GBP4: variants seen among roughly 807,000 people sequenced by gnomAD.
The protein encoded by GBP4 is guanylate binding protein 4.
A neutral mutation model predicts 62.2 loss-of-function variants in GBP4; 69 were observed. That is an observed-to-expected ratio of 1.11 (90% CI 0.91 to 1.36). The LOEUF is 1.36. Among genes scored for constraint, GBP4 ranks in the 40% most tolerant of loss-of-function variants. The pLI is 0.00. For synonymous variants in GBP4, 278 were observed against 274.6 expected (o/e 1.01, Z -0.12); for missense variants, 697 against 759.3 (o/e 0.92, Z 0.96).
chr1:89,192,362 C>T (rs1394379525), intron 5 of GBP4, among the ~76,000 whole-genome samples: 6 of 150,122 alleles, frequency 4.0e-5, no homozygotes, highest in Admixed American at 3.3e-4. Context: ...GACAGTCTTA[C>T]TGGAAGCATA....
At position 89,194,623 on chromosome 1, in the gene GBP4, C is replaced by A. The variant is rs7521137; in HGVS notation, c.363+674G>T. On this transcript the variant is annotated intron_variant, in intron 3 of 10. Transcript: ENST00000355754. ...ATGCAAATAAGAAGAATGGACTGAT[C>A]GCACCTAACACTTTAAGACAAAATA... Among the ~76,000 whole-genome samples, 56 of 152,158 alleles carry A rather than the reference C, an allele frequency of 3.7e-4. 6 individuals are homozygous for A. The highest frequency in any genetic ancestry group is 9.1e-4 in the Admixed American group (14 of 15,304).
At chr1:89,197,449 A>G in intron 1 of GBP4, 145 bp from the exon 2 acceptor site, 1 of 561,972 alleles carries the variant, frequency 1.8e-6, no homozygotes, top group Non-Finnish European at 3.0e-6. Context: ...ATATATTTCT[A>G]CGTTTAATGG....
At position 89,193,011 on chromosome 1, in the gene GBP4, A is replaced by G; in HGVS notation, c.563T>C (p.Phe188Ser). 1 of 1,614,180 alleles carries G rather than the reference A, an allele frequency of 6.2e-7. No individual in the cohort carries two copies. Residue 188 changes from phenylalanine (F) to serine (S), a missense_variant, in exon 5 of 11, where the codon TTT (phenylalanine) becomes TCT (serine). Physicochemically the swap from Phe to Ser is radical, Grantham distance 155. This residue lies in a region of GBP4 where 556 missense variants were observed against 562.7 expected (regional missense o/e 0.99). Transcript: ENST00000355754. ...AEDSSEFASFFPDFIWTVRDF... is the reference protein window; with the variant it reads ...AEDSSEFASFSPDFIWTVRDF... ...CCGAACAGTCCAAATAAAGTCTGGA[A>G]AGAAACTCGCAAACTCGCTGGAGTC...
At chr1:89,188,831 C>G (rs1648108550) in intron 7 of GBP4, 37 bp from the exon 8 acceptor site, 1 of 1,607,634 alleles carries the variant, frequency 6.2e-7, no homozygotes. Context: ...TAGAAAGAAG[C>G]TGTTAGAAGG....
At chr1:89,188,523 G>A (rs1648097270) in intron 8 of GBP4, 59 bp downstream of exon 8, 4 of 1,348,184 alleles carry the variant, frequency 3.0e-6, no homozygotes, top group African/African-American at 1.4e-5. Context: ...TTTCAGAAGG[G>A]GCAACAAAAA....
Position 89,197,251 on chromosome 1 carries a change from G to A in GBP4, c.94C>T (p.Gln32Ter). The change falls in exon 2 of 11, where the codon CAG becomes TAG. Residue 32 changes from glutamine (Q) to a stop codon, truncating the protein, a stop_gained. Coordinates refer to ENST00000355754, the MANE Select transcript of GBP4 (RefSeq NM_052941.5). LOFTEE classifies it high-confidence loss of function. ...GAATTCACTGTCAGCTGCTCTTCCT[G>A]GTTTTCCACTAGACAAATGGGGGCC... ...MMAPICLVEN[Q>*]EEQLTVNSKA... 1 of 1,614,012 alleles carries A rather than the reference G, an allele frequency of 6.2e-7. No individual in the cohort carries two copies. Among genetic ancestry groups the A allele is most frequent in the Non-Finnish European group, 8.5e-7 (1 of 1,179,966 alleles).
chr1:89,188,565 A>AT lies in GBP4; in HGVS notation c.1410+16dup. On this transcript the variant is annotated intron_variant, in intron 8 of 10. Transcript: ENST00000355754. ...GACTATCCTCTGTTATCCATCCCCC[A>AT]TTCCCCTTTTCCTCACCTTAACTCC... 1 of 1,598,574 alleles carries AT rather than the reference A, an allele frequency of 6.3e-7. No homozygotes were observed. Among genetic ancestry groups the AT allele is most frequent in the Non-Finnish European group, 8.6e-7 (1 of 1,165,870 alleles).
chr1:89,187,175 C>G (rs567744668), intron 8 of GBP4, 73 bp from the exon 9 acceptor site: 1 of 1,189,408 alleles, frequency 8.4e-7, no homozygotes, highest in East Asian at 2.3e-5. Flanking sequence ...AATTATTGTT[C>G]AATAAAGTCA....
At chr1:89,189,922 A>C in intron 7 of GBP4, 116 bp downstream of exon 7, 1 of 1,011,422 alleles carries the variant, frequency 9.9e-7, no homozygotes, top group African/African-American at 1.6e-5. Context: ...CCTGTTATTC[A>C]CAAGAAACCA....
chr1:89,185,456 AT>A lies in GBP4; in HGVS notation c.1720del (p.Met574CysfsTer13). ...TTTCTTTTGAAATTCTTCCTTAAGC[AT>A]TTCTTCTTGTACCTATAAAAGGGAA... ...LKHKLKVQEE[M>X]LKEEFQKKSE... On this transcript the variant is annotated frameshift_variant, in exon 11 of 11. Transcript: ENST00000355754. LOFTEE classifies it low-confidence loss of function (END_TRUNC). The A allele has an allele frequency of 6.5e-7, 1 of 1,539,604 alleles. No individual in the cohort carries two copies. Among genetic ancestry groups the A allele is most frequent in the Non-Finnish European group, 9.0e-7 (1 of 1,113,852 alleles).
intron 6 of GBP4, 105 bp downstream of exon 6, chr1:89,191,143 CTCCTTCTCTGCAT>C: frequency 8.4e-7 from 1 of 1,193,604 alleles, no homozygotes; most frequent in Non-Finnish European, 1.2e-6. Flanking sequence ...CAATGAACAT[CTCCTTCTCTGCAT>C]TCCTATACAG....
At chr1:89,185,809 C>T (rs961752799) in intron 10 of GBP4, among the ~76,000 whole-genome samples, 5 of 152,096 alleles carry the variant, frequency 3.3e-5, no homozygotes, top group East Asian at 3.9e-4. Context: ...TAGCAAATAA[C>T]GGGGGACTGC....
At chr1:89,194,960 C>T (rs1002154573) in intron 3 of GBP4, among the ~76,000 whole-genome samples, 6 of 152,184 alleles carry the variant, frequency 3.9e-5, no homozygotes, top group Admixed American at 1.3e-4. Flanking sequence ...AAACCCTGTA[C>T]TTATCATACC....
In GBP4 at chr1:89,191,187, A is replaced by G. The variant is rs1266745169; in HGVS notation, c.916+74T>C. 9 of 1,525,710 alleles carry G rather than the reference A, an allele frequency of 5.9e-6. No homozygotes were observed. In the East Asian group the frequency reaches 2.0e-4, roughly 35 times the overall value. The allele number at this position is 1,525,710 out of a possible 1,614,324, so 94.5% of individuals were successfully genotyped here. On this transcript the variant is annotated intron_variant, in intron 6 of 10. Transcript: ENST00000355754. The stretch of plus-strand genomic sequence containing the variant: ...TACAGAAGCAAACAATATTATTGAA[A>G]AACTTGCAGTCATTACAGCTTCAAC...
intron 1 of GBP4, among the ~76,000 whole-genome samples, chr1:89,198,525 A>G (rs1235487091): frequency 6.6e-6 from 1 of 151,810 alleles, no homozygotes; most frequent in Non-Finnish European, 1.5e-5. Flanking sequence ...CAGCTCTGGG[A>G]GGAAGCCCGA....
At chr1:89,188,539 T>C (rs778876859) in intron 8 of GBP4, 43 bp downstream of exon 8, 3 of 1,510,754 alleles carry the variant, frequency 2.0e-6, no homozygotes, top group Admixed American at 1.7e-5. Context: ...AAAAACCCTC[T>C]GACTATCCTC....
At chr1:89,195,185 CATT>C (rs1283810339) in intron 3 of GBP4, 109 bp downstream of exon 3, 1 of 1,111,768 alleles carries the variant, frequency 9.0e-7, no homozygotes, top group African/African-American at 1.6e-5. Flanking sequence ...AATTTAGCCT[CATT>C]ATTCATAATT....
chr1:89,195,501 G>C, intron 2 of GBP4, 77 bp from the exon 3 acceptor site: 3 of 1,546,180 alleles, frequency 1.9e-6, no homozygotes, highest in Non-Finnish European at 2.7e-6. Flanking sequence ...GGTTAAACTT[G>C]TAGGAATGTT....
intron 10 of GBP4, 78 bp from the exon 11 acceptor site, chr1:89,185,547 A>G (rs1648013115): frequency 1.3e-6 from 1 of 745,008 alleles, no homozygotes; most frequent in South Asian, 1.7e-5. Flanking sequence ...AACTAATTCA[A>G]CGTTTAAGCA....
Sources: allele counts gnomAD v4.1 joint callset (sites outside exome capture counted in the v4.1 genomes callset), GRCh38; gene constraint gnomAD v4.1.1; regional missense constraint gnomAD v4.1.1; transcripts MANE v1.5; gene names NCBI Gene and HGNC (gene_info 2026-07-23, HGNC 2026-07-21).